The following GPHN variants were observed in gnomAD, a reference collection of about 807,000 sequenced individuals.
GPHN encodes gephyrin.
GPHN carries 17 observed loss-of-function variants against 95.5 expected under a neutral mutation model. That is an observed-to-expected ratio of 0.18 (90% CI 0.12 to 0.27). The LOEUF (loss-of-function observed/expected upper bound fraction) is 0.27, where lower values mean the gene tolerates loss of function less well. GPHN is among the 10% of genes least tolerant of loss of function. The pLI, the probability that GPHN is intolerant of heterozygous loss-of-function variation, is 1.00. For missense variants in GPHN, 660 were observed against 978.1 expected (o/e 0.67, Z 4.34); for synonymous variants, 320 against 322.5 (o/e 0.99, Z 0.08).
intron 1 of GPHN, among the ~76,000 whole-genome samples, chr14:66,512,357 C>T (rs1010243823): frequency 1.3e-5 from 2 of 151,780 alleles, no homozygotes; most frequent in Non-Finnish European, 3.0e-5. Flanking sequence ...ATAATGACTA[C>T]ATGTATGTAT....
At position 67,069,103 on chromosome 14, in the gene GPHN, G is replaced by A. The variant is rs2076180884; in HGVS notation, c.1144+10317G>A. ...TACCTTTTACTAGCCAAATGACCCT[G>A]GACAAGCTACTTAACCTTTCTAGGT... On this transcript the variant is annotated intron_variant, in intron 11 of 22. Transcript: ENST00000478722. 2.6e-5 allele frequency among the ~76,000 whole-genome samples: 4 copies of A among 152,134 alleles called. No homozygotes were observed. The South Asian group carries it at 8.3e-4, about 32-fold the overall frequency.
chr14:67,639,874 G>A, the GPHN span, among the ~76,000 whole-genome samples: 12 of 142,222 alleles, frequency 8.4e-5, no homozygotes, highest in African/African-American at 2.9e-4. Flanking sequence ...GCAGTGAGCC[G>A]AGATTGTGCC....
chr14:67,204,928 GA>G, the GPHN span: 2 of 1,613,624 alleles, frequency 1.2e-6, no homozygotes, highest in Non-Finnish European at 1.7e-6. Context: ...AGATCTTCCA[GA>G]AAATGAGGTC....
At chr14:66,622,566 T>C (rs559634428) in intron 1 of GPHN, among the ~76,000 whole-genome samples, 13 of 152,198 alleles carry the variant, frequency 8.5e-5, no homozygotes, top group Non-Finnish European at 8.8e-5. Flanking sequence ...CTGTTTCCCT[T>C]TTAAAACTGA....
At chr14:67,489,989 CAAA>C in the GPHN span, among the ~76,000 whole-genome samples, 2 of 139,068 alleles carry the variant, frequency 1.4e-5, no homozygotes. Flanking sequence ...GACTCCGTCT[CAAA>C]AAAAAAAAAA....
the GPHN span, chr14:67,393,037 G>A: frequency 1.1e-6 from 1 of 947,318 alleles, no homozygotes; most frequent in South Asian, 1.4e-5. Context: ...AGGCTAGCCT[G>A]TTGCCCAGCA....
intron 1 of GPHN, among the ~76,000 whole-genome samples, chr14:66,566,548 C>CA (rs2060470433): frequency 6.6e-6 from 1 of 152,208 alleles, no homozygotes; most frequent in East Asian, 1.9e-4. Context: ...TTCCCTACAC[C>CA]ATGTTGACTT....
chr14:66,648,276 C>T (rs2064858993), intron 1 of GPHN, among the ~76,000 whole-genome samples: 1 of 151,966 alleles, frequency 6.6e-6, no homozygotes, highest in South Asian at 2.1e-4. Flanking sequence ...TAATGTTAGT[C>T]AAAGAAGCCC....
At chr14:67,508,760 A>AAAAAAAAAAAAAAAAAAAAAAAAAAAAAC in the GPHN span, among the ~76,000 whole-genome samples, 1 of 149,548 alleles carries the variant, frequency 6.7e-6, no homozygotes, top group Non-Finnish European at 1.5e-5. Context: ...TCTCAAAAAA[A>AAAAAAAAAAAAAAAAAAAAAAAAAAAAAC]AAAAAAAAAA....
chr14:67,238,678 C>G, the GPHN span, among the ~76,000 whole-genome samples: 1 of 151,904 alleles, frequency 6.6e-6, no homozygotes, highest in East Asian at 1.9e-4. Context: ...GGGTCTCACT[C>G]TATTGCCCAG....
intron 1 of GPHN, among the ~76,000 whole-genome samples, chr14:66,530,171 G>A (rs1016025198): frequency 1.3e-5 from 2 of 152,164 alleles, no homozygotes; most frequent in African/African-American, 4.8e-5. Flanking sequence ...TAGAGAGGCA[G>A]TCTGGCTACA....
At chr14:67,618,906 T>G in the GPHN span, among the ~76,000 whole-genome samples, 1 of 152,224 alleles carries the variant, frequency 6.6e-6, no homozygotes, top group Non-Finnish European at 1.5e-5. Flanking sequence ...TGAACTGTTT[T>G]GGAGAGCAGT....
chr14:66,750,666 T>C (rs2058332043), intron 2 of GPHN, among the ~76,000 whole-genome samples: 1 of 151,980 alleles, frequency 6.6e-6, no homozygotes, highest in Non-Finnish European at 1.5e-5. Flanking sequence ...CAATGTTTTG[T>C]AAAATTCTAA....
At chr14:66,960,446 T>A (rs2068820422) in intron 8 of GPHN, among the ~76,000 whole-genome samples, 1 of 152,106 alleles carries the variant, frequency 6.6e-6, no homozygotes, top group Admixed American at 6.6e-5. Flanking sequence ...CAGTAGTAGT[T>A]ATTTGTTTGT....
the GPHN span, chr14:67,582,115 C>T: frequency 6.2e-7 from 1 of 1,613,440 alleles, no homozygotes; most frequent in Non-Finnish European, 8.5e-7. This position sits in a 1 kb window ranked among gnomAD's most constrained non-coding sequence, Gnocchi z 5.0. Flanking sequence ...CCGAGAACGG[C>T]TGCTCCTTGC....
At position 66,935,491 on chromosome 14, in the gene GPHN, A is replaced by G. The variant is rs989788756; in HGVS notation, c.828+11199A>G. Among the ~76,000 whole-genome samples, 5 of 109,264 alleles carry G rather than the reference A, an allele frequency of 4.6e-5. No individual in the cohort carries two copies. The Admixed American group carries it at 4.6e-4, about 10-fold the overall frequency. The allele number at this position is 109,264 out of a possible 152,430, so 71.7% of individuals were successfully genotyped here. A position where few individuals can be genotyped will look rare whatever the true frequency, so the allele number is the denominator to read the frequency against. ...TATATGTGTATATGTATATATATGTATATGTGTGTGTTTTTATATATATAT... is the reference window on the plus strand; with the variant it reads ...TATATGTGTATATGTATATATATGTGTATGTGTGTGTTTTTATATATATAT... On this transcript the variant is annotated intron_variant, in intron 8 of 22. Coordinates refer to ENST00000478722, the MANE Select transcript of GPHN (RefSeq NM_020806.5).
the GPHN span, among the ~76,000 whole-genome samples, chr14:67,341,052 G>A: frequency 3.3e-5 from 5 of 152,172 alleles, no homozygotes; most frequent in Non-Finnish European, 7.4e-5. Flanking sequence ...CGCCTGCCTT[G>A]GCCTCCCAAA....
the GPHN span, among the ~76,000 whole-genome samples, chr14:67,388,707 TCTCA>T: frequency 6.6e-6 from 1 of 152,056 alleles, no homozygotes; most frequent in South Asian, 2.1e-4. Context: ...TGAGACGGAG[TCTCA>T]CTCTGTCTTT....
chr14:66,600,227 T>C (rs1284819933), intron 1 of GPHN, among the ~76,000 whole-genome samples: 1 of 152,110 alleles, frequency 6.6e-6, no homozygotes, highest in Non-Finnish European at 1.5e-5. Context: ...ATTTGGAAAT[T>C]TTCTTCCTTT....
Sources: allele counts gnomAD v4.1 joint callset (sites outside exome capture counted in the v4.1 genomes callset), GRCh38; gene constraint gnomAD v4.1.1; non-coding constraint Gnocchi (gnomAD v3.1); transcripts MANE v1.5; gene names NCBI Gene and HGNC (gene_info 2026-07-23, HGNC 2026-07-21).